PTK2: variants seen among roughly 807,000 people sequenced by gnomAD.
PTK2 encodes protein tyrosine kinase 2.
A neutral mutation model predicts 150.1 loss-of-function variants in PTK2; 45 were observed. The ratio of observed to expected loss-of-function variants is 0.30; its 90% confidence interval spans 0.24 to 0.38. The LOEUF (loss-of-function observed/expected upper bound fraction) is 0.38. Ranked by LOEUF, PTK2 falls within the 10% of genes least tolerant of loss-of-function variation. The pLI, the probability that PTK2 is intolerant of heterozygous loss-of-function variation, is 1.00. For synonymous variants in PTK2, 432 were observed against 449.2 expected, an observed-to-expected ratio of 0.96 and a Z score of 0.48; for missense variants, 919 against 1,307.3, an observed-to-expected ratio of 0.70 and a Z score of 4.58.
At chr8:140,675,345 TG>T in intron 28 of PTK2, 114 bp downstream of exon 31, 3 of 1,122,920 alleles carry the variant, frequency 2.7e-6, no homozygotes, top group Non-Finnish European at 2.6e-6. Context: ...TGCTGTGGTC[TG>T]TAGAGGAAAA....
intron 15 of PTK2, among the ~76,000 whole-genome samples, chr8:140,762,859 C>T (rs543366755): frequency 6.6e-6 from 1 of 152,118 alleles, no homozygotes; most frequent in African/African-American, 2.4e-5. Context: ...GGGCTCACTG[C>T]AGCCTCGACC....
At chr8:140,675,560 T>G in intron 27 of PTK2, 61 bp from the exon 31 acceptor site, 1 of 1,268,924 alleles carries the variant, frequency 7.9e-7, no homozygotes, top group South Asian at 1.2e-5. Context: ...ATGACCTCTC[T>G]CACCCACCCT....
chr8:140,892,430 G>T lies in PTK2; in HGVS notation c.-32-1661C>A, dbSNP rs551564772. Among the ~76,000 whole-genome samples the T allele has an allele frequency of 3.9e-4, 59 of 152,224 alleles. 1 individual carries two copies. Among genetic ancestry groups the T allele is most frequent in the African/African-American group, 1.4e-3 (57 of 41,546 alleles). On this transcript the variant is annotated intron_variant, in intron 2 of 31. Transcript: ENST00000522684. Reference sequence around the variant, plus strand: ...GCATGCTTGTGGTCCCAGCTACTTGGGAGGCTGAGGGGGGAGGATCACTTG... The same window carrying T: ...GCATGCTTGTGGTCCCAGCTACTTGTGAGGCTGAGGGGGGAGGATCACTTG...
intron 16 of PTK2, among the ~76,000 whole-genome samples, chr8:140,755,444 C>T (rs2154529134): frequency 6.6e-6 from 1 of 152,320 alleles, no homozygotes; most frequent in South Asian, 2.1e-4. Context: ...ACACCGTCCT[C>T]CTGGTGGTGT....
intron 30 of PTK2, among the ~76,000 whole-genome samples, chr8:140,666,651 TG>T (rs2092054231): frequency 6.6e-6 from 1 of 152,056 alleles, no homozygotes; most frequent in Admixed American, 6.6e-5. Flanking sequence ...ATGGAGAAAC[TG>T]GAACCCTTGT....
intron 10 of PTK2, among the ~76,000 whole-genome samples, chr8:140,806,972 T>G (rs1353903216): frequency 1.3e-5 from 2 of 152,230 alleles, no homozygotes; most frequent in African/African-American, 2.4e-5. Context: ...TTATTTATAT[T>G]GCTTATTTTC....
chr8:140,670,403 G>A (rs548464628), intron 29 of PTK2: 4 of 141,124 alleles, frequency 2.8e-5, no homozygotes, highest in Admixed American at 7.6e-5. Context: ...GTTGCAGTGA[G>A]CTGAGATTGT....
intron 1 of PTK2, among the ~76,000 whole-genome samples, chr8:140,995,830 C>T (rs1569548899): frequency 6.6e-6 from 1 of 152,070 alleles, no homozygotes; most frequent in African/African-American, 2.4e-5. Flanking sequence ...AAAAGCGAGG[C>T]CTCCTGTGCC....
chr8:140,708,168 T>C (rs1385002121), intron 23 of PTK2, among the ~76,000 whole-genome samples: 3 of 152,170 alleles, frequency 2.0e-5, no homozygotes, highest in African/African-American at 7.2e-5. Flanking sequence ...AGGAAATAGA[T>C]TTAAGTTCCA....
chr8:140,885,131 T>G (rs910776268), intron 3 of PTK2, among the ~76,000 whole-genome samples: 1 of 152,208 alleles, frequency 6.6e-6, no homozygotes, highest in African/African-American at 2.4e-5. Flanking sequence ...TTTGTTCTAG[T>G]CCTTGTAATG....
chr8:140,879,820 T>C (rs984186400), intron 3 of PTK2, among the ~76,000 whole-genome samples, 183 bp from the exon 4 acceptor site: 6 of 152,074 alleles, frequency 3.9e-5, no homozygotes, highest in African/African-American at 1.4e-4. Context: ...TTAAATAAAT[T>C]ACTTAGGAAT....
At chr8:140,702,652 G>A in exon 25 of PTK2, 1 of 1,614,040 alleles carries the variant, frequency 6.2e-7, no homozygotes, top group East Asian at 2.2e-5. Flanking sequence ...TGCCTGACCT[G>A]GATAGATGCT....
chr8:140,974,999 A>G (rs899651389), intron 1 of PTK2, among the ~76,000 whole-genome samples: 1 of 152,196 alleles, frequency 6.6e-6, no homozygotes, highest in African/African-American at 2.4e-5. Context: ...ACGCCTGTAG[A>G]TGAACTCAGA....
chr8:140,871,360 T>C (rs2154606812), intron 4 of PTK2, among the ~76,000 whole-genome samples: 1 of 152,376 alleles, frequency 6.6e-6, no homozygotes, highest in East Asian at 1.9e-4. Flanking sequence ...ACATAATTGG[T>C]GACTGGCAAT....
intron 1 of PTK2, among the ~76,000 whole-genome samples, chr8:140,992,946 G>C (rs1007897636): frequency 1.1e-4 from 16 of 152,180 alleles, no homozygotes; most frequent in African/African-American, 3.6e-4. Context: ...CCTTTGTAAA[G>C]CATCCAATTA....
rs988284756 is a variant in PTK2 at position 140,845,457 on chromosome 8, A to T, written c.593+803T>A. ...CTGGCTCCCATGCAACAAACCCCAC[A>T]TATCTACACTTTGTGAATCACTCAT... On this transcript the variant is annotated intron_variant, in intron 7 of 31. Coordinates refer to ENST00000522684, the Ensembl canonical transcript of PTK2. Among the ~76,000 whole-genome samples the T allele has an allele frequency of 4.6e-5, 7 of 152,268 alleles. No homozygotes were observed. The East Asian group carries it at 1.4e-3, about 29-fold the overall frequency.
At chr8:140,896,797 G>GGT (rs1373082588) in intron 2 of PTK2, among the ~76,000 whole-genome samples, 3 of 133,982 alleles carry the variant, frequency 2.2e-5, no homozygotes, top group Non-Finnish European at 5.1e-5. Context: ...ACGGGGGGGG[G>GGT]GGGTGGGTAA....
At chr8:140,861,745 A>C (rs1019051606) in intron 5 of PTK2, among the ~76,000 whole-genome samples, 16 of 152,228 alleles carry the variant, frequency 1.1e-4, no homozygotes, top group Non-Finnish European at 1.8e-4. Flanking sequence ...AGAGACTCAG[A>C]GGTACCTAAA....
In PTK2 at chr8:140,937,600, C is replaced by A. The variant is rs1181603192; in HGVS notation, c.-121-11851G>T. On this transcript the variant is annotated intron_variant, in intron 1 of 31. Coordinates refer to ENST00000522684, the Ensembl canonical transcript of PTK2. Reference sequence around the variant, plus strand: ...AAGTAAACAATAAAAAAAAAAAAAACACAAAAAAACAAATCTGATTTAATC... The same window carrying A: ...AAGTAAACAATAAAAAAAAAAAAAAAACAAAAAAACAAATCTGATTTAATC... Among the ~76,000 whole-genome samples the A allele has an allele frequency of 4.3e-3, 570 of 132,398 alleles. 2 individuals carry two copies. Among genetic ancestry groups the A allele is most frequent in the Non-Finnish European group, 7.8e-3 (464 of 59,650 alleles). 86.9% of individuals were successfully genotyped at this position (132,398 alleles called of 152,430 possible). A position where few individuals can be genotyped will look rare whatever the true frequency, so the allele number is the denominator to read the frequency against.
Sources: allele counts gnomAD v4.1 joint callset (sites outside exome capture counted in the v4.1 genomes callset), GRCh38; gene constraint gnomAD v4.1.1; transcripts MANE v1.5; gene names NCBI Gene and HGNC (gene_info 2026-07-23, HGNC 2026-07-21).